Variants in PSMA1 observed in about 807,000 individuals in gnomAD.
PSMA1 encodes proteasome 20S subunit alpha 1.
In PSMA1, 3 loss-of-function variants were observed where a neutral mutation model predicts 38.4. The observed-to-expected ratio is 0.08, with a 90% CI of 0.04 to 0.20. The LOEUF is 0.20. Among genes scored for constraint, PSMA1 ranks in the 10% least tolerant of loss-of-function variants. The pLI is 1.00. For missense variants in PSMA1, 227 were observed against 325.3 expected, an observed-to-expected ratio of 0.70 and a Z score of 2.32; for synonymous variants, 101 against 107.1, an observed-to-expected ratio of 0.94 and a Z score of 0.35.
At chr11:14,523,109 T>A (rs1478887828), upstream of PSMA1, among the ~76,000 whole-genome samples, 1 of 152,204 alleles carries the variant, frequency 6.6e-6, no homozygotes, top group African/African-American at 2.4e-5. Context: ...TCAGAATGGC[T>A]GTTATCAAAG....
At chr11:14,566,975 C>A (rs912819925) in intron 2 of PSMA1, among the ~76,000 whole-genome samples, 1 of 152,156 alleles carries the variant, frequency 6.6e-6, no homozygotes, top group Non-Finnish European at 1.5e-5. Flanking sequence ...GACAGGTGTG[C>A]ACCAGACATG....
intron 2 of PSMA1, among the ~76,000 whole-genome samples, chr11:14,609,277 G>A (rs1195143096): frequency 6.6e-6 from 1 of 152,162 alleles, no homozygotes; most frequent in Non-Finnish European, 1.5e-5. Context: ...CATAACGATA[G>A]GTGGATGGAG....
intron 2 of PSMA1, among the ~76,000 whole-genome samples, chr11:14,583,359 C>T (rs1852305037): frequency 6.6e-6 from 1 of 152,166 alleles, no homozygotes; most frequent in African/African-American, 2.4e-5. Context: ...GTGAACTTGG[C>T]TCAATTTTTG....
Position 14,510,837 on chromosome 11 carries a change from C to T in PSMA1, c.624+35G>A, listed in dbSNP as rs150150463. The stretch of plus-strand genomic sequence containing the variant: ...TATGCAATAAAGGTTTAAACTGTAA[C>T]GTTAATATCTACAATTGGAAAAGAC... On this transcript the variant is annotated intron_variant, in intron 8 of 9. Transcript: ENST00000396394. The T allele has an allele frequency of 4.1e-4, 596 of 1,457,930 alleles. 8 individuals carry two copies. The East Asian group carries it at 0.012, about 29-fold the overall frequency. 90.3% of individuals were successfully genotyped at this position (1,457,930 alleles called of 1,614,324 possible).
intron 1 of PSMA1, among the ~76,000 whole-genome samples, chr11:14,628,895 AT>A (rs1180012937): frequency 6.7e-6 from 1 of 149,642 alleles, no homozygotes; most frequent in Non-Finnish European, 1.5e-5. Context: ...TGTGGTTTTG[AT>A]TTGCATTTCT....
chr11:14,593,675 T>C (rs970239959), intron 2 of PSMA1, among the ~76,000 whole-genome samples: 1 of 144,328 alleles, frequency 6.9e-6, no homozygotes, highest in African/African-American at 2.5e-5. Flanking sequence ...CCAGCCCTAA[T>C]GTGTGGTCCT....
At chr11:14,513,209 A>G (rs1851372417) in intron 7 of PSMA1, among the ~76,000 whole-genome samples, 2 of 152,206 alleles carry the variant, frequency 1.3e-5, no homozygotes, top group African/African-American at 4.8e-5. Flanking sequence ...GTGGCTTAAA[A>G]TAACAAAAGA....
intron 2 of PSMA1, among the ~76,000 whole-genome samples, chr11:14,567,201 GGGT>G (rs1289043872): frequency 7.2e-5 from 11 of 152,208 alleles, no homozygotes; most frequent in African/African-American, 2.7e-4. Flanking sequence ...TCCCAACGCA[GGGT>G]GGCCTAGCTA....
upstream of PSMA1, among the ~76,000 whole-genome samples, chr11:14,524,211 G>A (rs190729419): frequency 5.3e-5 from 8 of 151,576 alleles, no homozygotes; most frequent in East Asian, 1.6e-3. Context: ...GTATGCACCT[G>A]TAGTCCCAGC....
At chr11:14,635,790 T>G (rs1208168221) in intron 1 of PSMA1, among the ~76,000 whole-genome samples, 1 of 152,214 alleles carries the variant, frequency 6.6e-6, no homozygotes, top group Non-Finnish European at 1.5e-5. Flanking sequence ...AACTGTTTAG[T>G]TATTTTAACC....
chr11:14,572,061 A>C (rs1281012728), intron 2 of PSMA1, among the ~76,000 whole-genome samples: 2 of 152,212 alleles, frequency 1.3e-5, no homozygotes, highest in East Asian at 3.8e-4. Flanking sequence ...ATACAATAAT[A>C]ATGGGAGAAT....
chr11:14,580,973 A>T (rs946821361), intron 2 of PSMA1, among the ~76,000 whole-genome samples: 2 of 152,212 alleles, frequency 1.3e-5, no homozygotes, highest in African/African-American at 4.8e-5. Flanking sequence ...GGAATGACAG[A>T]TGAACTACAG....
In PSMA1 at chr11:14,555,831, A is replaced by G. The variant is rs1017698303; in HGVS notation, c.22-36790T>C. Reference sequence around the variant, plus strand: ...ATGAACTGCTTGATGTTCACTTCATATCTGATACAATCATTTTGTTTTCCC... The same window carrying G: ...ATGAACTGCTTGATGTTCACTTCATGTCTGATACAATCATTTTGTTTTCCC... On this transcript the variant is annotated intron_variant, in intron 2 of 10. Transcript: ENST00000418988. Among the ~76,000 whole-genome samples the G allele has an allele frequency of 2.0e-5, 3 of 152,224 alleles. No individual in the cohort carries two copies. In the East Asian group the frequency reaches 5.8e-4, roughly 29 times the overall value.
chr11:14,634,012 A>G (rs182330111), intron 1 of PSMA1, among the ~76,000 whole-genome samples: 10 of 152,246 alleles, frequency 6.6e-5, no homozygotes, highest in Non-Finnish European at 8.8e-5. Flanking sequence ...CACGGTGTGC[A>G]CACCCACTGA....
intron 1 of PSMA1, among the ~76,000 whole-genome samples, chr11:14,616,899 A>G (rs1207659159): frequency 6.6e-6 from 1 of 152,174 alleles, no homozygotes; most frequent in East Asian, 1.9e-4. Flanking sequence ...CTTGAGAAAT[A>G]ACACATTTAG....
At chr11:14,624,753 T>C (rs1173290405) in intron 1 of PSMA1, among the ~76,000 whole-genome samples, 1 of 152,168 alleles carries the variant, frequency 6.6e-6, no homozygotes, top group African/African-American at 2.4e-5. Flanking sequence ...GCAACTCCTA[T>C]GTCATCTACT....
At chr11:14,629,017 T>C (rs879745607) in intron 1 of PSMA1, among the ~76,000 whole-genome samples, 5 of 151,304 alleles carry the variant, frequency 3.3e-5, no homozygotes, top group South Asian at 4.2e-4. Flanking sequence ...TGGGGTTGTT[T>C]GTTTTTTTCT....
At chr11:14,586,292 C>A (rs756938725) in intron 2 of PSMA1, among the ~76,000 whole-genome samples, 8 of 151,972 alleles carry the variant, frequency 5.3e-5, no homozygotes, top group Admixed American at 2.0e-4. Flanking sequence ...ATTAGCTGGG[C>A]ATGGTGGCGC....
chr11:14,507,174 GTT>G (rs762363593), intron 9 of PSMA1, among the ~76,000 whole-genome samples: 2 of 143,910 alleles, frequency 1.4e-5, no homozygotes, highest in African/African-American at 2.5e-5. Flanking sequence ...TTTTGTGTTT[GTT>G]TTTTTTTTTT....
Sources: allele counts gnomAD v4.1 joint callset (sites outside exome capture counted in the v4.1 genomes callset), GRCh38; gene constraint gnomAD v4.1.1; transcripts MANE v1.5; gene names NCBI Gene and HGNC (gene_info 2026-07-23, HGNC 2026-07-21).